Variants in IL6ST observed in about 807,000 individuals in gnomAD.
IL6ST encodes the protein interleukin 6 cytokine family signal transducer, also known as interleukin-6 receptor subunit beta.
A neutral mutation model predicts 91.3 loss-of-function variants in IL6ST; 24 were observed. The observed-to-expected ratio is 0.26, with a 90% CI of 0.19 to 0.37. The LOEUF is 0.37. Ranked by LOEUF, IL6ST falls within the 10% of genes least tolerant of loss-of-function variation. IL6ST has a pLI of 1.00. For missense variants in IL6ST, 914 were observed against 1,078.5 expected (o/e 0.85, Z 2.14); for synonymous variants, 351 against 373.6 (o/e 0.94, Z 0.70).
chr5:55,971,799 C>A (rs1436042666), intron 3 of IL6ST, among the ~76,000 whole-genome samples: 1 of 152,118 alleles, frequency 6.6e-6, no homozygotes, highest in Admixed American at 6.6e-5. Context: ...AAATTAAAAA[C>A]AGTTTTTGCA....
intron 1 of IL6ST, among the ~76,000 whole-genome samples, chr5:55,987,672 A>G (rs1409684895): frequency 6.6e-6 from 1 of 152,216 alleles, no homozygotes; most frequent in Non-Finnish European, 1.5e-5. Flanking sequence ...ATCTGTAAAC[A>G]TGGGGTACCA....
rs1205117269 is a variant in IL6ST, at chr5:55,935,881, A to C, written c.*5201T>G. 4.6e-6 allele frequency: 1 copy of C among 218,810 alleles called. No individual in the cohort carries two copies. The highest frequency in any genetic ancestry group is 9.2e-6 in the Non-Finnish European group (1 of 108,982). 13.6% of individuals were successfully genotyped at this position (218,810 alleles called of 1,614,324 possible). A position where few individuals can be genotyped will look rare whatever the true frequency, so the allele number is the denominator to read the frequency against. ...CATAATCTTTTCCAAAGCAGGATGG[A>C]CTGTATCTATCATACACATTAGGAT... On this transcript the variant is annotated 3_prime_UTR_variant, in exon 17 of 17. Coordinates refer to ENST00000381298, the MANE Select transcript of IL6ST (RefSeq NM_002184.4).
Position 55,976,281 on chromosome 5 carries a change from T to C in IL6ST, c.-3A>G, listed in dbSNP as rs752643635. 10 of 1,579,116 alleles carry C rather than the reference T, an allele frequency of 6.3e-6. No individual in the cohort carries two copies. The Middle Eastern group carries it at 7.0e-4, about 110-fold the overall frequency. ...AGCCAAGTCTGCAACGTCAACATCTTGCGCGGATATTTCTGCAACAGACAC... is the reference window on the plus strand; with the variant it reads ...AGCCAAGTCTGCAACGTCAACATCTCGCGCGGATATTTCTGCAACAGACAC... On this transcript the variant is annotated 5_prime_UTR_variant, in exon 3 of 17. Transcript: ENST00000381298.
chr5:55,972,158 G>T (rs367564018), intron 3 of IL6ST, among the ~76,000 whole-genome samples: 2 of 152,128 alleles, frequency 1.3e-5, no homozygotes, highest in African/African-American at 4.8e-5. Flanking sequence ...GTTCTAAAAA[G>T]ATATAATTAG....
intron 9 of IL6ST, among the ~76,000 whole-genome samples, chr5:55,956,893 C>T (rs1021377396): frequency 2.0e-5 from 3 of 152,158 alleles, no homozygotes; most frequent in Non-Finnish European, 4.4e-5. Context: ...GGCGCGGTGG[C>T]TCATGCCTGT....
At chr5:55,945,039 TCAAAAA>T (rs1453171109) in intron 15 of IL6ST, among the ~76,000 whole-genome samples, 3 of 67,814 alleles carry the variant, frequency 4.4e-5, no homozygotes, top group African/African-American at 3.3e-4. Flanking sequence ...AGGAATTAAA[TCAAAAA>T]AAAAAAAAAA....
At chr5:55,979,704 C>G (rs1336864005) in intron 2 of IL6ST, among the ~76,000 whole-genome samples, 5 of 152,146 alleles carry the variant, frequency 3.3e-5, no homozygotes, top group Non-Finnish European at 7.4e-5. Context: ...AAGAAAAAAG[C>G]TCTACCCAAA....
rs2112647473 is a variant in IL6ST, at chr5:55,938,386, T to A, written c.*2696A>T. 5.2e-6 allele frequency: 1 copy of A among 190,594 alleles called. No individual in the cohort carries two copies. The highest frequency in any genetic ancestry group is 8.3e-5 in the East Asian group (1 of 12,008). The allele number at this position is 190,594 out of a possible 1,614,324, so 11.8% of individuals were successfully genotyped here. A position where few individuals can be genotyped will look rare whatever the true frequency, so the allele number is the denominator to read the frequency against. On this transcript the variant is annotated 3_prime_UTR_variant, in exon 17 of 17. Transcript: ENST00000381298. ...CAAAGTGTGAAGTTTTATAGTTTTCTAATAATTATTCAGTATTATCCCTTT... is the reference window on the plus strand; with the variant it reads ...CAAAGTGTGAAGTTTTATAGTTTTCAAATAATTATTCAGTATTATCCCTTT...
chr5:55,942,912 T>C (rs546084443), intron 15 of IL6ST, among the ~76,000 whole-genome samples, 161 bp from the exon 16 acceptor site: 1 of 152,312 alleles, frequency 6.6e-6, no homozygotes, highest in South Asian at 2.1e-4. Context: ...ATTTTTCTTA[T>C]AACCAATAGA....
chr5:55,962,623 AAT>A (rs1489793294), intron 7 of IL6ST, among the ~76,000 whole-genome samples: 24 of 152,156 alleles, frequency 1.6e-4, no homozygotes, highest in African/African-American at 5.8e-4. Context: ...TCCACTGTAG[AAT>A]AGAGACAATA....
At chr5:55,986,277 A>C (rs1753963460) in intron 1 of IL6ST, among the ~76,000 whole-genome samples, 1 of 152,224 alleles carries the variant, frequency 6.6e-6, no homozygotes, top group Admixed American at 6.5e-5. Flanking sequence ...GTGTTTTGAA[A>C]CTATGTTATT....
At chr5:55,958,469 C>G (rs1180569898) in intron 8 of IL6ST, among the ~76,000 whole-genome samples, 1 of 152,004 alleles carries the variant, frequency 6.6e-6, no homozygotes, top group Non-Finnish European at 1.5e-5. Context: ...ATGGCATTAA[C>G]TGATTTCTCA....
intron 14 of IL6ST, among the ~76,000 whole-genome samples, chr5:55,951,100 G>A (rs1483580405): frequency 6.6e-6 from 1 of 152,134 alleles, no homozygotes; most frequent in East Asian, 1.9e-4. Context: ...CTGAGTGGGA[G>A]GTACGGAAGT....
At position 55,958,108 on chromosome 5, in the gene IL6ST, A is replaced by G. The variant is rs1287147750; in HGVS notation, c.974-817T>C. 3.9e-5 allele frequency among the ~76,000 whole-genome samples: 6 copies of G among 152,176 alleles called. No individual in the cohort carries two copies. In the East Asian group the frequency reaches 1.2e-3, roughly 29 times the overall value. ...CATCTGAAAAAGCAATCCATAAAAC[A>G]TAGTGGTTTTTTTCCAGAGACAGTG... On this transcript the variant is annotated intron_variant, in intron 8 of 16. Transcript: ENST00000381298.
chr5:55,993,097 A>G (rs552246206), intron 1 of IL6ST, among the ~76,000 whole-genome samples: 13 of 152,346 alleles, frequency 8.5e-5, no homozygotes, highest in Admixed American at 7.2e-4. Flanking sequence ...ATGCTTCTCT[A>G]GGAGCCAAGC....
In IL6ST at chr5:55,936,682, T is replaced by G. The variant is rs1387166156; in HGVS notation, c.*4400A>C. ...AAGTATTTATTTCTTAAAATTTACTTAAGGGATTAGAGCTAATATATAATA... is the reference window on the plus strand; with the variant it reads ...AAGTATTTATTTCTTAAAATTTACTGAAGGGATTAGAGCTAATATATAATA... On this transcript the variant is annotated 3_prime_UTR_variant, in exon 17 of 17. Coordinates refer to ENST00000381298, the MANE Select transcript of IL6ST (RefSeq NM_002184.4). 1 of 193,670 alleles carries G rather than the reference T, an allele frequency of 5.2e-6. No homozygotes were observed. The highest frequency in any genetic ancestry group is 8.2e-5 in the East Asian group (1 of 12,148). 12.0% of individuals were successfully genotyped at this position (193,670 alleles called of 1,614,324 possible). A position where few individuals can be genotyped will look rare whatever the true frequency, so the allele number is the denominator to read the frequency against.
rs369695736 is a variant in IL6ST, at chr5:55,948,617, T to C, written c.1841-1028A>G. ...ATATGTGTGTATATATATATTGATATGGGTATGTATGTGTGTATATATATA... is the reference window on the plus strand; with the variant it reads ...ATATGTGTGTATATATATATTGATACGGGTATGTATGTGTGTATATATATA... On this transcript the variant is annotated intron_variant, in intron 14 of 16. Transcript: ENST00000381298. Among the ~76,000 whole-genome samples, 21 of 152,240 alleles carry C rather than the reference T, an allele frequency of 1.4e-4. No homozygotes were observed. The East Asian group carries it at 3.7e-3, about 27-fold the overall frequency.
intron 5 of IL6ST, among the ~76,000 whole-genome samples, chr5:55,966,594 T>A (rs1042795217): frequency 9.9e-5 from 15 of 152,188 alleles, no homozygotes; most frequent in African/African-American, 3.6e-4. Flanking sequence ...TGTAACTCAC[T>A]ATGAAATACT....
chr5:55,975,042 T>C (rs1753204383), intron 3 of IL6ST, among the ~76,000 whole-genome samples: 1 of 151,668 alleles, frequency 6.6e-6, no homozygotes, highest in African/African-American at 2.4e-5. Context: ...TAGAGTGCAA[T>C]GGCGTGACCA....
Sources: allele counts gnomAD v4.1 joint callset (sites outside exome capture counted in the v4.1 genomes callset), GRCh38; gene constraint gnomAD v4.1.1; transcripts MANE v1.5; gene names NCBI Gene and HGNC (gene_info 2026-07-23, HGNC 2026-07-21).